Variants in CEP192 observed in about 807,000 individuals in gnomAD.
CEP192 encodes centrosomal protein of 192 kDa.
A neutral mutation model predicts 271.8 loss-of-function variants in CEP192; 151 were observed. The ratio of observed to expected loss-of-function variants is 0.56; its 90% CI spans 0.49 to 0.64. The LOEUF is 0.64. Among genes scored for constraint, CEP192 ranks in the 30% least tolerant of loss-of-function variants. CEP192 has a pLI of 0.00. For missense variants in CEP192, 2,910 were observed against 3,020.5 expected, an observed-to-expected ratio of 0.96 and a Z score of 0.86; for synonymous variants, 995 against 1,076.5, an observed-to-expected ratio of 0.92 and a Z score of 1.48.
chr18:13,008,514 A>G lies in CEP192; in HGVS notation c.349A>G (p.Lys117Glu), dbSNP rs890340638. ...ESQRLSNALS[K>E]QSALQMETAG... Reference sequence around the variant, plus strand: ...TCAACGTTTGTCAAATGCTCTCAGCAAACAGTCAGCTTTACAAATGGAGAC... The same window carrying G: ...TCAACGTTTGTCAAATGCTCTCAGCGAACAGTCAGCTTTACAAATGGAGAC... Residue 117 changes from lysine to glutamate, a missense_variant, in exon 4 of 45, where the codon AAA becomes GAA. Physicochemically the swap from Lys to Glu is moderately conservative, Grantham distance 56. Coordinates refer to ENST00000506447, the MANE Select transcript of CEP192 (RefSeq NM_032142.4). 1.3e-6 allele frequency: 2 copies of G among 1,551,614 alleles called. No homozygotes were observed. The highest frequency in any genetic ancestry group is 2.4e-5 in the East Asian group (1 of 40,932).
chr18:12,997,725 T>C (rs1303771958), intron 1 of CEP192, among the ~76,000 whole-genome samples: 1 of 151,692 alleles, frequency 6.6e-6, no homozygotes, highest in Non-Finnish European at 1.5e-5. Context: ...AACAAGTAAG[T>C]TCTTCTTATT....
intron 30 of CEP192, among the ~76,000 whole-genome samples, chr18:13,081,000 G>C (rs2038574909): frequency 6.6e-6 from 1 of 152,162 alleles, no homozygotes; most frequent in South Asian, 2.1e-4. Flanking sequence ...ACTTGATCAT[G>C]GTGGATAAGC....
intron 30 of CEP192, 68 bp from the exon 31 acceptor site, chr18:13,086,949 C>T: frequency 9.2e-7 from 1 of 1,091,820 alleles, no homozygotes; most frequent in Non-Finnish European, 1.3e-6. Context: ...ATTTTCTTCT[C>T]ACTGTAATTC....
At chr18:13,055,755 TAA>T in intron 18 of CEP192, 23 bp from the exon 19 acceptor site, 1 of 1,484,434 alleles carries the variant, frequency 6.7e-7, no homozygotes, top group Non-Finnish European at 9.0e-7. Context: ...TGTGGATTAT[TAA>T]AAACAAATTT....
At chr18:12,993,585 C>G (rs1034988231) in intron 1 of CEP192, among the ~76,000 whole-genome samples, 3 of 152,334 alleles carry the variant, frequency 2.0e-5, no homozygotes, top group African/African-American at 7.2e-5. Context: ...TGGGCTCATG[C>G]TGTCCTTCCA....
At chr18:13,004,291 A>G (rs2033843222) in intron 3 of CEP192, among the ~76,000 whole-genome samples, 1 of 144,002 alleles carries the variant, frequency 6.9e-6, no homozygotes, top group South Asian at 2.4e-4. Context: ...GGGTGAAGAG[A>G]AGTTTCACTT....
intron 44 of CEP192, among the ~76,000 whole-genome samples, chr18:13,119,534 G>A (rs1328519956): frequency 6.6e-6 from 1 of 152,198 alleles, no homozygotes; most frequent in African/African-American, 2.4e-5. Context: ...TGTGAGGTCA[G>A]GAGTTTGGAC....
Position 13,068,396 on chromosome 18 carries a change from G to A in CEP192, c.4796G>A (p.Ser1599Asn), listed in dbSNP as rs1196081900. The A allele has an allele frequency of 1.9e-6, 3 of 1,612,508 alleles. No homozygotes were observed. In the South Asian group the frequency reaches 3.3e-5, roughly 18 times the overall value. ...EFLMIWVLFH[S>N]PKKQISSSDI... ...CTGATGATTTGGGTTCTTTTCCATA[G>A]TCCAAAGAAACAGATCAGCTCTTCA... The change falls in exon 24 of 45, where the codon AGT becomes AAT. Residue 1599 changes from serine to asparagine, a missense_variant. Ser to Asn is a conservative substitution (Grantham distance 46). Coordinates refer to ENST00000506447, the MANE Select transcript of CEP192 (RefSeq NM_032142.4).
In CEP192 at chr18:13,038,927, TG is replaced by T. The variant is rs573146387; in HGVS notation, c.1809+350del. Among the ~76,000 whole-genome samples the T allele has an allele frequency of 8.9e-3, 1,360 of 152,360 alleles. 10 individuals carry two copies. Among genetic ancestry groups the T allele is most frequent in the South Asian group, 0.02 (99 of 4,830 alleles). On this transcript the variant is annotated intron_variant, in intron 13 of 44. Coordinates refer to ENST00000506447, the MANE Select transcript of CEP192 (RefSeq NM_032142.4). ...AGTTGTTCATTGCTGTTGTTATTGTTGGTTGGTGTGAAGAATTCTAAAATTG... is the reference window on the plus strand; with the variant it reads ...AGTTGTTCATTGCTGTTGTTATTGTTGTTGGTGTGAAGAATTCTAAAATTG...
intron 5 of CEP192, 102 bp downstream of exon 5, chr18:13,013,127 C>G: frequency 1.7e-6 from 1 of 577,324 alleles, no homozygotes; most frequent in Middle Eastern, 3.1e-4. Flanking sequence ...ATGTCATCTA[C>G]TTTTTTCTAG....
chr18:13,042,456 A>T (rs1342485750), intron 15 of CEP192, 122 bp downstream of exon 15: 1 of 1,025,582 alleles, frequency 9.8e-7, no homozygotes, highest in African/African-American at 1.6e-5. Flanking sequence ...CTGGCTTCAG[A>T]TTTCTTGCAA....
chr18:13,030,670 C>CT, intron 11 of CEP192, 62 bp downstream of exon 11: 1 of 1,345,746 alleles, frequency 7.4e-7, no homozygotes, highest in East Asian at 2.3e-5. Context: ...TCTAAGATTA[C>CT]TGTGTATATG....
chr18:13,056,698 G>T lies in CEP192; in HGVS notation c.4108G>T (p.Gly1370Trp). ...GGATTCAGGAGTGACATCAGGATTGGGTAAGATGCTTTTTCTCTATTATTA... is the reference window on the plus strand; with the variant it reads ...GGATTCAGGAGTGACATCAGGATTGTGTAAGATGCTTTTTCTCTATTATTA... ...PWDSGVTSGL[G>W]SVRVPEELKL... The change falls in exon 19 of 45, where the codon GGG (glycine) becomes TGG (tryptophan). Residue 1370 changes from glycine (G) to tryptophan (W), a missense_variant and splice_region_variant. Gly to Trp is a radical substitution (Grantham distance 184). Coordinates refer to ENST00000506447, the MANE Select transcript of CEP192 (RefSeq NM_032142.4). The T allele has an allele frequency of 6.4e-7, 1 of 1,569,338 alleles. No individual in the cohort carries two copies. The highest frequency in any genetic ancestry group is 8.6e-7 in the Non-Finnish European group (1 of 1,161,972).
intron 30 of CEP192, 59 bp downstream of exon 30, chr18:13,073,244 G>A: frequency 7.2e-7 from 1 of 1,392,070 alleles, no homozygotes; most frequent in Non-Finnish European, 9.8e-7. Flanking sequence ...TATAACTATT[G>A]GTTTAATGTT....
chr18:13,038,647 C>T, intron 13 of CEP192, 68 bp downstream of exon 13: 2 of 1,192,464 alleles, frequency 1.7e-6, no homozygotes, highest in Non-Finnish European at 2.4e-6. Flanking sequence ...TATGATGGCA[C>T]AGTGACTTTA....
chr18:13,013,068 G>A (rs1327544325), intron 5 of CEP192, 43 bp downstream of exon 5: 3 of 984,048 alleles, frequency 3.0e-6, no homozygotes, highest in Admixed American at 2.6e-5. Flanking sequence ...GAGTACTATA[G>A]GGCAGTAAAA....
At chr18:13,118,505 C>T (rs776784434) in intron 44 of CEP192, among the ~76,000 whole-genome samples, 2 of 152,210 alleles carry the variant, frequency 1.3e-5, no homozygotes, top group Non-Finnish European at 2.9e-5. Flanking sequence ...TCGTTTATCT[C>T]TCACACCACC....
In CEP192 at chr18:13,001,553, G is replaced by A; in HGVS notation, c.261G>A (p.Glu87=). The A allele has an allele frequency of 6.4e-7, 1 of 1,550,422 alleles. No individual in the cohort carries two copies. Among genetic ancestry groups the A allele is most frequent in the Middle Eastern group, 1.7e-4 (1 of 5,992 alleles). Reference sequence around the variant, plus strand: ...GCCAGAGTGATGCTGAACCAAGAGAGAGGTTACAGCTTAGCTTCCAGGATG... The same window carrying A: ...GCCAGAGTGATGCTGAACCAAGAGAAAGGTTACAGCTTAGCTTCCAGGATG... ...PGSQSDAEPR[E]RLQLSFQDDD... The change falls in exon 3 of 45, where the codon GAG becomes GAA. Residue 87 remains glutamate, a synonymous_variant. Transcript: ENST00000506447.
At chr18:13,041,666 G>A (rs1488076359) in intron 14 of CEP192, among the ~76,000 whole-genome samples, 3 of 150,926 alleles carry the variant, frequency 2.0e-5, no homozygotes, top group Non-Finnish European at 4.4e-5. Context: ...CCTGGGTCAA[G>A]CGATTCTCCC....
Sources: allele counts gnomAD v4.1 joint callset (sites outside exome capture counted in the v4.1 genomes callset), GRCh38; gene constraint gnomAD v4.1.1; transcripts MANE v1.5; gene names NCBI Gene and HGNC (gene_info 2026-07-23, HGNC 2026-07-21).